Variants in NR6A1 observed in about 807,000 individuals in gnomAD.
NR6A1 encodes retinoic acid receptor-related testis-associated receptor.
Under a neutral mutation model 59.1 loss-of-function variants are expected in NR6A1, and 7 were observed. That is an observed-to-expected ratio of 0.12 (90% CI 0.07 to 0.22). The LOEUF (loss-of-function observed/expected upper bound fraction) is 0.22. Ranked by LOEUF, NR6A1 falls within the 10% of genes least tolerant of loss-of-function variation. NR6A1 has a pLI of 1.00. For synonymous variants in NR6A1, 243 were observed against 236.1 expected, an observed-to-expected ratio of 1.03 and a Z score of -0.27; for missense variants, 468 against 611.6, an observed-to-expected ratio of 0.77 and a Z score of 2.48.
chr9:124,723,192 TAGTC>T (rs1279702313), intron 2 of NR6A1, among the ~76,000 whole-genome samples: 2 of 152,216 alleles, frequency 1.3e-5, no homozygotes, highest in Non-Finnish European at 2.9e-5. Flanking sequence ...TCCATGGTAA[TAGTC>T]AGATTTTAAA....
At chr9:124,642,110 G>A (rs142185459) in intron 2 of NR6A1, among the ~76,000 whole-genome samples, 5,840 of 152,028 alleles carry the variant, frequency 0.038, 323 homozygotes, top group African/African-American at 0.12. Flanking sequence ...CTGCAGTGGC[G>A]CGATCTCAGC....
chr9:124,740,250 C>T (rs1253149286), intron 1 of NR6A1, among the ~76,000 whole-genome samples: 1 of 152,196 alleles, frequency 6.6e-6, no homozygotes, highest in Admixed American at 6.5e-5. Flanking sequence ...ATTTCCCCCT[C>T]CCTTTCCTGC....
chr9:124,755,070 A>C (rs571423876), intron 1 of NR6A1, among the ~76,000 whole-genome samples: 2 of 152,308 alleles, frequency 1.3e-5, no homozygotes, highest in African/African-American at 4.8e-5. Flanking sequence ...AATTTGCTGA[A>C]ATAATTTTTA....
At chr9:124,740,816 A>G (rs1429716858) in intron 1 of NR6A1, among the ~76,000 whole-genome samples, 1 of 152,116 alleles carries the variant, frequency 6.6e-6, no homozygotes, top group East Asian at 1.9e-4. Flanking sequence ...GGCACCCAAT[A>G]AAACTCTTGA....
chr9:124,664,186 C>A (rs1040253193), intron 2 of NR6A1, among the ~76,000 whole-genome samples: 3 of 152,156 alleles, frequency 2.0e-5, no homozygotes, highest in African/African-American at 2.4e-5. Context: ...AATGAGAAAT[C>A]AGTGTTTCTT....
At chr9:124,619,591 G>A (rs900213321) in intron 2 of NR6A1, among the ~76,000 whole-genome samples, 23 of 152,014 alleles carry the variant, frequency 1.5e-4, no homozygotes, top group African/African-American at 5.1e-4. Flanking sequence ...TAAAAAAACT[G>A]CATGTTTGGA....
intron 1 of NR6A1, among the ~76,000 whole-genome samples, chr9:124,738,097 T>C (rs1469815330): frequency 6.6e-6 from 1 of 151,396 alleles, no homozygotes; most frequent in Non-Finnish European, 1.5e-5. Context: ...CTACTAAAAA[T>C]ACAAAAATTA....
At chr9:124,667,791 ACT>A (rs750315041) in intron 2 of NR6A1, among the ~76,000 whole-genome samples, 2 of 152,234 alleles carry the variant, frequency 1.3e-5, no homozygotes, top group Non-Finnish European at 2.9e-5. Context: ...AAAATAACTT[ACT>A]TTTTCATCTT....
At chr9:124,696,283 G>T (rs1048710138) in intron 2 of NR6A1, among the ~76,000 whole-genome samples, 9 of 152,036 alleles carry the variant, frequency 5.9e-5, no homozygotes, top group African/African-American at 2.2e-4. Flanking sequence ...AGAAAAAAGA[G>T]AACTTTCTTG....
At chr9:124,591,807 G>A (rs1835132896) in intron 2 of NR6A1, among the ~76,000 whole-genome samples, 1 of 151,216 alleles carries the variant, frequency 6.6e-6, no homozygotes, top group South Asian at 2.1e-4. Context: ...CACACACCCT[G>A]ACCAACTCTT....
At chr9:124,653,447 T>C (rs1160425718) in intron 2 of NR6A1, among the ~76,000 whole-genome samples, 2 of 152,172 alleles carry the variant, frequency 1.3e-5, no homozygotes, top group Non-Finnish European at 2.9e-5. Flanking sequence ...ACAGAGTCTC[T>C]GTCACCATCC....
intron 7 of NR6A1, among the ~76,000 whole-genome samples, chr9:124,530,916 T>C (rs1475273737): frequency 6.6e-6 from 1 of 152,236 alleles, no homozygotes; most frequent in Admixed American, 6.5e-5. Flanking sequence ...TCTATCTTTG[T>C]AGCCTTTAAT....
chr9:124,611,940 T>C (rs543214830), intron 2 of NR6A1, among the ~76,000 whole-genome samples: 5 of 152,186 alleles, frequency 3.3e-5, no homozygotes, highest in East Asian at 3.9e-4. Context: ...GATAATGATA[T>C]CTATCTTAGA....
chr9:124,693,741 G>A (rs543189963), intron 2 of NR6A1: 13 of 534,592 alleles, frequency 2.4e-5, no homozygotes, highest in South Asian at 1.1e-4. Flanking sequence ...CATTGCTGTC[G>A]GTGGGTTTGA....
At chr9:124,582,968 TC>T (rs145604641) in intron 2 of NR6A1, among the ~76,000 whole-genome samples, 1 of 151,896 alleles carries the variant, frequency 6.6e-6, no homozygotes, top group African/African-American at 2.4e-5. Flanking sequence ...AGTACGCCCT[TC>T]CCCCCCAAAG....
At chr9:124,763,032 T>G (rs1840823624) in intron 1 of NR6A1, among the ~76,000 whole-genome samples, 1 of 152,206 alleles carries the variant, frequency 6.6e-6, no homozygotes, top group African/African-American at 2.4e-5. Flanking sequence ...TCAAGTATAG[T>G]TTAATTATTT....
Position 124,526,903 on chromosome 9 carries a change from G to A in NR6A1, c.1080-3C>T. ...CCTCCATCCCTTCATCACTAAATCT[G>A]AGGAACAGACACAGGTGTTAACAGT... On this transcript the variant is annotated splice_polypyrimidine_tract_variant and splice_region_variant and intron_variant, in intron 7 of 9. Coordinates refer to ENST00000487099, the MANE Select transcript of NR6A1 (RefSeq NM_033334.4). 6.2e-7 allele frequency: 1 copy of A among 1,613,732 alleles called. No homozygotes were observed. Among genetic ancestry groups the A allele is most frequent in the Non-Finnish European group, 8.5e-7 (1 of 1,179,724 alleles).
intron 1 of NR6A1, among the ~76,000 whole-genome samples, chr9:124,765,213 A>G (rs1004592199): frequency 1.6e-4 from 25 of 152,218 alleles, no homozygotes; most frequent in African/African-American, 6.0e-4. Flanking sequence ...ACCACAAACT[A>G]CCCTGAATGA....
chr9:124,525,231 T>C (rs1832898926), intron 8 of NR6A1, among the ~76,000 whole-genome samples: 1 of 149,638 alleles, frequency 6.7e-6, no homozygotes, highest in African/African-American at 2.5e-5. Flanking sequence ...AAATTTGCCC[T>C]TCGCTGGAAC....
Sources: gnomAD v4.1 joint callset for allele counts (sites outside exome capture counted in the v4.1 genomes callset) on GRCh38, gnomAD v4.1.1 for gene constraint, MANE v1.5 for transcripts, NCBI Gene and HGNC (gene_info 2026-07-23, HGNC 2026-07-21) for gene names.